Variants in FHIT observed in about 807,000 individuals in gnomAD.
FHIT encodes bis(5'-adenosyl)-triphosphatase.
Under a neutral mutation model 17.9 loss-of-function variants are expected in FHIT, and 19 were observed. That is an observed-to-expected ratio of 1.06 (90% CI 0.74 to 1.56). The LOEUF (loss-of-function observed/expected upper bound fraction) is 1.56. Among genes scored for constraint, FHIT ranks in the 40% most tolerant of loss-of-function variants. The pLI is 0.00. For missense variants in FHIT, 248 were observed against 189.2 expected (o/e 1.31, Z -1.82); for synonymous variants, 81 against 69.7 (o/e 1.16, Z -0.81).
intron 5 of FHIT, among the ~76,000 whole-genome samples, chr3:60,109,679 T>C (rs578210020): frequency 1.1e-4 from 17 of 152,182 alleles, no homozygotes; most frequent in South Asian, 2.1e-4. Flanking sequence ...AAGTATCCTA[T>C]AGTACTGAGA....
At chr3:60,081,856 T>G (rs554742243) in intron 5 of FHIT, among the ~76,000 whole-genome samples, 1 of 152,134 alleles carries the variant, frequency 6.6e-6, no homozygotes, top group Non-Finnish European at 1.5e-5. Flanking sequence ...TGAATCCACC[T>G]GTGATAAACT....
At chr3:60,609,736 T>C (rs1316604138) in intron 4 of FHIT, among the ~76,000 whole-genome samples, 1 of 152,188 alleles carries the variant, frequency 6.6e-6, no homozygotes, top group African/African-American at 2.4e-5. Flanking sequence ...CCCTTCTTCA[T>C]GATGTCTTTG....
intron 4 of FHIT, among the ~76,000 whole-genome samples, chr3:60,769,630 C>T (rs941834108): frequency 2.0e-5 from 3 of 152,142 alleles, no homozygotes; most frequent in Admixed American, 6.5e-5. Flanking sequence ...GGTAAAGTGA[C>T]GTACAGGAAT....
chr3:61,014,546 G>A (rs1470186456), intron 3 of FHIT, among the ~76,000 whole-genome samples: 9 of 151,694 alleles, frequency 5.9e-5, no homozygotes, highest in African/African-American at 1.7e-4. Context: ...TTGGGAGGCC[G>A]AGACGGGCAG....
intron 4 of FHIT, among the ~76,000 whole-genome samples, chr3:60,643,508 G>C (rs559812767): frequency 1.3e-5 from 2 of 152,252 alleles, no homozygotes; most frequent in South Asian, 4.1e-4. Flanking sequence ...TATACTACGA[G>C]GCAGAGTGAT....
chr3:60,611,383 C>A (rs1463055741), intron 4 of FHIT, among the ~76,000 whole-genome samples: 2 of 152,114 alleles, frequency 1.3e-5, no homozygotes, highest in Non-Finnish European at 2.9e-5. Context: ...GCCTAGTGTT[C>A]CATTATAGGA....
chr3:60,184,043 A>T (rs1013334786), intron 5 of FHIT, among the ~76,000 whole-genome samples: 1 of 151,376 alleles, frequency 6.6e-6, no homozygotes, highest in Non-Finnish European at 1.5e-5. Flanking sequence ...GCTGGAGTAC[A>T]GTGACGTGAT....
At chr3:59,963,469 G>A (rs1013207402) in intron 7 of FHIT, among the ~76,000 whole-genome samples, 2 of 151,850 alleles carry the variant, frequency 1.3e-5, no homozygotes, top group African/African-American at 2.4e-5. Context: ...AGAGAGAGAA[G>A]GAGGAGGAGA....
rs1015878500 is a variant in FHIT at position 61,107,437 on chromosome 3, G to A, written c.-163-65338C>T. On this transcript the variant is annotated intron_variant, in intron 2 of 9. Transcript: ENST00000492590. ...ATGAATAATGCTACAATAAACATGG[G>A]AGTGCAGATATCCTTAGAAGACTTA... Among the ~76,000 whole-genome samples, 7 of 152,212 alleles carry A rather than the reference G, an allele frequency of 4.6e-5. 1 individual carries two copies. The highest frequency in any genetic ancestry group is 1.7e-4 in the African/African-American group (7 of 41,538).
At chr3:60,417,420 G>A (rs1702290516) in intron 5 of FHIT, among the ~76,000 whole-genome samples, 1 of 152,166 alleles carries the variant, frequency 6.6e-6, no homozygotes, top group Non-Finnish European at 1.5e-5. Flanking sequence ...AGAACACAGT[G>A]GGTCCATTTG....
chr3:60,625,698 A>G (rs1427134453), intron 4 of FHIT, among the ~76,000 whole-genome samples: 3 of 152,154 alleles, frequency 2.0e-5, no homozygotes, highest in African/African-American at 7.2e-5. Flanking sequence ...GTTTCTTTTC[A>G]GCTTCTGGAT....
chr3:61,046,462 G>A (rs756628827), intron 2 of FHIT, among the ~76,000 whole-genome samples: 1 of 152,096 alleles, frequency 6.6e-6, no homozygotes, highest in Non-Finnish European at 1.5e-5. Flanking sequence ...TCTCTGAATA[G>A]ACCAATAACA....
intron 8 of FHIT, among the ~76,000 whole-genome samples, chr3:59,777,564 C>G (rs1025729454): frequency 4.6e-5 from 7 of 152,186 alleles, no homozygotes; most frequent in Non-Finnish European, 1.0e-4. Flanking sequence ...TATTTCTCTC[C>G]ACCTCCACTA....
chr3:60,504,872 A>G (rs945864614), intron 5 of FHIT, among the ~76,000 whole-genome samples: 4 of 152,182 alleles, frequency 2.6e-5, no homozygotes, highest in African/African-American at 9.7e-5. Flanking sequence ...AGTTTGAGGA[A>G]TAGGAACAAC....
At chr3:60,185,614 C>A (rs1702126062) in intron 5 of FHIT, among the ~76,000 whole-genome samples, 1 of 152,130 alleles carries the variant, frequency 6.6e-6, no homozygotes, top group Admixed American at 6.6e-5. Context: ...CATAAGTTTT[C>A]ATATCAGTTG....
intron 5 of FHIT, among the ~76,000 whole-genome samples, chr3:60,329,833 T>A (rs1323154559): frequency 6.6e-6 from 1 of 152,208 alleles, no homozygotes; most frequent in African/African-American, 2.4e-5. Context: ...GACACACACT[T>A]TGTGGCTACT....
At chr3:60,968,100 T>C (rs1008893490) in intron 3 of FHIT, among the ~76,000 whole-genome samples, 14 of 152,244 alleles carry the variant, frequency 9.2e-5, no homozygotes, top group African/African-American at 1.9e-4. Flanking sequence ...TGATCCAAGG[T>C]GTTGCCAGAA....
At chr3:61,210,173 T>A (rs1424019680) in intron 1 of FHIT, among the ~76,000 whole-genome samples, 2 of 152,082 alleles carry the variant, frequency 1.3e-5, no homozygotes, top group Non-Finnish European at 2.9e-5. Context: ...TCAAGTTTTG[T>A]CTCAGAGGAG....
chr3:59,822,124 T>C (rs1223648800), intron 8 of FHIT, among the ~76,000 whole-genome samples: 1 of 152,172 alleles, frequency 6.6e-6, no homozygotes, highest in Admixed American at 6.5e-5. Context: ...GTGAATGCCA[T>C]TAATTTGTTC....
Sources: gnomAD v4.1 joint callset for allele counts (sites outside exome capture counted in the v4.1 genomes callset) on GRCh38, gnomAD v4.1.1 for gene constraint, MANE v1.5 for transcripts, NCBI Gene and HGNC (gene_info 2026-07-23, HGNC 2026-07-21) for gene names.